The following ENTREP2 variants were observed in gnomAD, a reference collection of about 807,000 sequenced individuals.
The protein encoded by ENTREP2 is endosomal transmembrane epsin interactor 2.
the ENTREP2 span, among the ~76,000 whole-genome samples, chr15:29,527,372 T>C: frequency 6.6e-6 from 1 of 152,316 alleles, no homozygotes; most frequent in East Asian, 1.9e-4. Flanking sequence ...CTGCTTCACA[T>C]GATGCCCCCC....
chr15:29,173,223 G>GC, the ENTREP2 span, among the ~76,000 whole-genome samples: 1 of 152,192 alleles, frequency 6.6e-6, no homozygotes, highest in Non-Finnish European at 1.5e-5. Context: ...ACAGGAGGGT[G>GC]CTGTAAGCTG....
the ENTREP2 span, among the ~76,000 whole-genome samples, chr15:29,251,095 A>C: frequency 8.5e-5 from 13 of 152,304 alleles, no homozygotes; most frequent in African/African-American, 2.9e-4. Flanking sequence ...CATGGTCCCA[A>C]GCCAAGCAGG....
At chr15:29,195,521 T>G in the ENTREP2 span, among the ~76,000 whole-genome samples, 1 of 152,018 alleles carries the variant, frequency 6.6e-6, no homozygotes, top group Non-Finnish European at 1.5e-5. Context: ...CTTTTTATAT[T>G]TATTTATCCA....
At chr15:29,193,544 G>A in the ENTREP2 span, among the ~76,000 whole-genome samples, 1 of 152,084 alleles carries the variant, frequency 6.6e-6, no homozygotes, top group Non-Finnish European at 1.5e-5. Flanking sequence ...TTTTGACTTC[G>A]ACTGAGCCAA....
chr15:29,282,180 G>A, the ENTREP2 span, among the ~76,000 whole-genome samples: 7 of 152,096 alleles, frequency 4.6e-5, no homozygotes, highest in Admixed American at 4.6e-4. Context: ...GGGACCCCAC[G>A]GGAGATAACT....
the ENTREP2 span, among the ~76,000 whole-genome samples, chr15:29,462,793 C>T: frequency 6.6e-6 from 1 of 152,120 alleles, no homozygotes; most frequent in African/African-American, 2.4e-5. Context: ...CCCAACCAGG[C>T]TCTGGGCAGG....
At chr15:29,604,424 C>T in the ENTREP2 span, among the ~76,000 whole-genome samples, 22 of 152,084 alleles carry the variant, frequency 1.4e-4, no homozygotes, top group African/African-American at 4.6e-4. Flanking sequence ...ATTTGTATGA[C>T]AATAATTTTT....
the ENTREP2 span, among the ~76,000 whole-genome samples, chr15:29,356,067 A>AG: frequency 6.6e-6 from 1 of 151,898 alleles, no homozygotes; most frequent in Non-Finnish European, 1.5e-5. Context: ...GTGGTCACCC[A>AG]GGGACTTACA....
chr15:29,205,017 C>T, the ENTREP2 span, among the ~76,000 whole-genome samples: 2 of 152,278 alleles, frequency 1.3e-5, no homozygotes, highest in Middle Eastern at 6.8e-3. Context: ...TCCCATTCTA[C>T]TTTCTCTCTC....
chr15:29,619,011 G>C, the ENTREP2 span, among the ~76,000 whole-genome samples: 1 of 152,240 alleles, frequency 6.6e-6, no homozygotes, highest in African/African-American at 2.4e-5. Context: ...CACTCCCAGT[G>C]CAGAGCCACC....
chr15:29,279,512 A>C, the ENTREP2 span, among the ~76,000 whole-genome samples: 34 of 151,946 alleles, frequency 2.2e-4, no homozygotes, highest in African/African-American at 6.8e-4. Context: ...CTACATGCGC[A>C]CGCCACCACA....
the ENTREP2 span, among the ~76,000 whole-genome samples, chr15:29,309,140 C>T: frequency 1.3e-5 from 2 of 152,182 alleles, no homozygotes; most frequent in Admixed American, 1.3e-4. Flanking sequence ...AGCTGAAAAC[C>T]CTAGGAGATT....
the ENTREP2 span, chr15:29,264,917 C>A: frequency 6.6e-6 from 1 of 152,002 alleles, no homozygotes; most frequent in Non-Finnish European, 1.5e-5. Context: ...TGTTTGTCTC[C>A]AAAATGCAAG....
At chr15:29,270,492 C>G in the ENTREP2 span, among the ~76,000 whole-genome samples, 2 of 152,234 alleles carry the variant, frequency 1.3e-5, no homozygotes, top group Non-Finnish European at 2.9e-5. Flanking sequence ...AAAACAACTG[C>G]TTTCGTCACA....
the ENTREP2 span, among the ~76,000 whole-genome samples, chr15:29,126,732 G>T: frequency 2.0e-5 from 3 of 152,332 alleles, no homozygotes; most frequent in East Asian, 3.9e-4. Flanking sequence ...CTACACAAGA[G>T]ACTAAAAGTC....
chr15:29,290,189 G>A, the ENTREP2 span, among the ~76,000 whole-genome samples: 1 of 152,126 alleles, frequency 6.6e-6, no homozygotes, highest in Non-Finnish European at 1.5e-5. Context: ...ACACCGGGCA[G>A]CCCCTGTTGT....
the ENTREP2 span, among the ~76,000 whole-genome samples, chr15:29,536,869 T>A: frequency 6.6e-6 from 1 of 152,012 alleles, no homozygotes; most frequent in East Asian, 1.9e-4. Context: ...AACCAAGGAA[T>A]GCCCAAGGAC....
the ENTREP2 span, among the ~76,000 whole-genome samples, chr15:29,627,982 C>T: frequency 3.3e-5 from 5 of 152,184 alleles, no homozygotes; most frequent in Non-Finnish European, 5.9e-5. Context: ...GCTTTCCATT[C>T]CGTGTAAGTA....
the ENTREP2 span, among the ~76,000 whole-genome samples, chr15:29,203,160 T>C: frequency 1.3e-5 from 2 of 152,202 alleles, no homozygotes; most frequent in South Asian, 2.1e-4. Context: ...CCCGGTACTT[T>C]GGGAGGCCGA....
Sources: gnomAD v4.1 joint callset for allele counts (sites outside exome capture counted in the v4.1 genomes callset) on GRCh38, gnomAD v4.1.1 for gene constraint, MANE v1.5 for transcripts, NCBI Gene and HGNC (gene_info 2026-07-23, HGNC 2026-07-21) for gene names.